OPCML: variants seen among roughly 807,000 people sequenced by gnomAD.
OPCML encodes the protein opioid binding protein/cell adhesion molecule like, also known as opioid-binding protein/cell adhesion molecule.
In OPCML, 13 loss-of-function variants were observed where a neutral mutation model predicts 37.8. The observed-to-expected ratio is 0.34, with a 90% CI of 0.22 to 0.55. The LOEUF is 0.55. Among genes scored for constraint, OPCML ranks in the 20% least tolerant of loss-of-function variants. The pLI is 0.91. For missense variants in OPCML, 341 were observed against 435.6 expected, an observed-to-expected ratio of 0.78 and a Z score of 1.93; for synonymous variants, 176 against 168.8, an observed-to-expected ratio of 1.04 and a Z score of -0.33.
chr11:133,354,453 C>T (rs1013099796), intron 1 of OPCML, among the ~76,000 whole-genome samples: 1 of 151,926 alleles, frequency 6.6e-6, no homozygotes, highest in African/African-American at 2.4e-5. Context: ...GATATTATCC[C>T]CATTATACAG....
intron 2 of OPCML, among the ~76,000 whole-genome samples, chr11:132,904,668 C>A (rs2136513660): frequency 6.6e-6 from 1 of 152,272 alleles, no homozygotes; most frequent in South Asian, 2.1e-4. Flanking sequence ...TCTATAAATT[C>A]AAAAGCAAGA....
Position 133,229,284 on chromosome 11 carries a change from C to T in OPCML, c.62-286274G>A, listed in dbSNP as rs533292457. ...TTATTTCTTAAATACGGTAGTCCCC[C>T]GCTTTAACCGTGGTTTGGCATGGTC... On this transcript the variant is annotated intron_variant, in intron 1 of 7. Coordinates refer to ENST00000524381, the MANE Select transcript of OPCML (RefSeq NM_001012393.5). Among the ~76,000 whole-genome samples the T allele has an allele frequency of 8.5e-5, 13 of 152,290 alleles. No homozygotes were observed. The East Asian group carries it at 1.2e-3, about 14-fold the overall frequency.
At chr11:132,997,352 G>C (rs1946906749) in intron 1 of OPCML, among the ~76,000 whole-genome samples, 1 of 152,156 alleles carries the variant, frequency 6.6e-6, no homozygotes, top group Admixed American at 6.5e-5. Context: ...TATCTCATCA[G>C]GTGTTCCCTT....
At chr11:133,501,747 C>T (rs1483754681) in intron 1 of OPCML, among the ~76,000 whole-genome samples, 1 of 151,980 alleles carries the variant, frequency 6.6e-6, no homozygotes, top group Non-Finnish European at 1.5e-5. Context: ...CCCCACCCCG[C>T]CCAGGGTGCA....
intron 2 of OPCML, among the ~76,000 whole-genome samples, chr11:132,795,205 G>A (rs537425890): frequency 2.6e-5 from 4 of 152,172 alleles, no homozygotes; most frequent in African/African-American, 9.6e-5. Context: ...CATTTCATAC[G>A]TTTGAATTTT....
intron 2 of OPCML, among the ~76,000 whole-genome samples, chr11:132,868,960 C>T (rs1041125972): frequency 5.3e-5 from 8 of 152,264 alleles, no homozygotes; most frequent in South Asian, 2.1e-4. Flanking sequence ...CCAGAGGATG[C>T]GCCCCTGGAG....
At chr11:132,628,373 A>T (rs1000114039) in intron 3 of OPCML, among the ~76,000 whole-genome samples, 7 of 152,212 alleles carry the variant, frequency 4.6e-5, no homozygotes, top group Admixed American at 1.3e-4. Flanking sequence ...AACAAAAAAA[A>T]TTTGAGAATT....
intron 2 of OPCML, among the ~76,000 whole-genome samples, chr11:132,740,264 C>T (rs2136036173): frequency 6.6e-6 from 1 of 152,314 alleles, no homozygotes; most frequent in East Asian, 1.9e-4. Context: ...TAAGTCTGGT[C>T]CTCCCCTGCC....
At chr11:133,133,147 G>A (rs1460093318) in intron 1 of OPCML, among the ~76,000 whole-genome samples, 1 of 152,166 alleles carries the variant, frequency 6.6e-6, no homozygotes, top group Non-Finnish European at 1.5e-5. Context: ...GCCTCCAAAT[G>A]TTGCCTAATG....
At chr11:132,826,955 C>T (rs1402442458) in intron 2 of OPCML, among the ~76,000 whole-genome samples, 2 of 152,144 alleles carry the variant, frequency 1.3e-5, no homozygotes, top group African/African-American at 4.8e-5. Context: ...AAGGGGGAGA[C>T]AGATATATAG....
At chr11:132,706,004 C>T (rs1440897668) in intron 2 of OPCML, among the ~76,000 whole-genome samples, 1 of 152,078 alleles carries the variant, frequency 6.6e-6, no homozygotes, top group African/African-American at 2.4e-5. Flanking sequence ...GACGGGGTTT[C>T]ACCATGTTGG....
At chr11:132,774,567 A>T (rs1180302308) in intron 2 of OPCML, among the ~76,000 whole-genome samples, 2 of 152,202 alleles carry the variant, frequency 1.3e-5, no homozygotes, top group African/African-American at 4.8e-5. Context: ...AGTGGTGCTA[A>T]GATTCACCAT....
chr11:133,251,306 TG>T (rs1030287875), intron 1 of OPCML, among the ~76,000 whole-genome samples: 1 of 152,060 alleles, frequency 6.6e-6, no homozygotes, highest in Non-Finnish European at 1.5e-5. Flanking sequence ...ATGGCAGGAC[TG>T]GGGATAGAGC....
At chr11:132,592,237 C>T (rs187371220) in intron 3 of OPCML, among the ~76,000 whole-genome samples, 16 of 152,242 alleles carry the variant, frequency 1.1e-4, no homozygotes, top group Admixed American at 9.8e-4. Flanking sequence ...GCATGTTTTG[C>T]GGGTATATCG....
chr11:133,001,220 T>C (rs1946995591), intron 1 of OPCML, among the ~76,000 whole-genome samples: 2 of 152,162 alleles, frequency 1.3e-5, no homozygotes, highest in South Asian at 4.1e-4. Context: ...TAGTATGGTG[T>C]CAACAGGGTT....
At chr11:133,200,871 G>A (rs1245324637) in intron 1 of OPCML, among the ~76,000 whole-genome samples, 2 of 152,118 alleles carry the variant, frequency 1.3e-5, no homozygotes, top group Admixed American at 1.3e-4. Context: ...CAAAGACATG[G>A]AATCCACCTA....
At chr11:132,692,210 C>G (rs1279137072) in intron 2 of OPCML, among the ~76,000 whole-genome samples, 1 of 148,270 alleles carries the variant, frequency 6.7e-6, no homozygotes, top group Non-Finnish European at 1.5e-5. Context: ...TGCTTCTCTT[C>G]CTGTCATTGG....
chr11:132,959,002 A>G (rs1946027619), intron 1 of OPCML, among the ~76,000 whole-genome samples: 1 of 152,246 alleles, frequency 6.6e-6, no homozygotes, highest in Admixed American at 6.5e-5. Flanking sequence ...ATACATTTGT[A>G]AGGCTATGGC....
Position 132,415,541 on chromosome 11 carries a change from G to A in OPCML, c.*4652C>T, listed in dbSNP as rs1485176557. ...AATAACATAGAATGTAGCCTCAAAAGGATGGTCGAGGGTTCGCAATCTTTC... is the reference window on the plus strand; with the variant it reads ...AATAACATAGAATGTAGCCTCAAAAAGATGGTCGAGGGTTCGCAATCTTTC... On this transcript the variant is annotated 3_prime_UTR_variant, in exon 8 of 8. Transcript: ENST00000524381. The A allele has an allele frequency of 2.0e-5, 3 of 152,176 alleles. No individual in the cohort carries two copies. Among genetic ancestry groups the A allele is most frequent in the Admixed American group, 6.5e-5 (1 of 15,282 alleles). The allele number at this position is 152,176 out of a possible 1,614,324, so 9.4% of individuals were successfully genotyped here. A position where few individuals can be genotyped will look rare whatever the true frequency, so the allele number is the denominator to read the frequency against.
Sources: allele counts gnomAD v4.1 joint callset (sites outside exome capture counted in the v4.1 genomes callset), GRCh38; gene constraint gnomAD v4.1.1; transcripts MANE v1.5; gene names NCBI Gene and HGNC (gene_info 2026-07-23, HGNC 2026-07-21).